Variants in EXOC7 observed in about 807,000 individuals in gnomAD.
The protein encoded by EXOC7 is exocyst complex component 7.
In EXOC7, 51 loss-of-function variants were observed where a neutral mutation model predicts 87.6. The ratio of observed to expected loss-of-function variants is 0.58; its 90% CI spans 0.46 to 0.73. EXOC7 has a LOEUF of 0.73. Among genes scored for constraint, EXOC7 ranks in the 30% least tolerant of loss-of-function variants. EXOC7 has a pLI of 0.00. For synonymous variants in EXOC7, 327 were observed against 357.1 expected (o/e 0.92, Z 0.95); for missense variants, 744 against 888.4 (o/e 0.84, Z 2.07).
chr17:76,096,575 T>C (rs1471946483), intron 5 of EXOC7, among the ~76,000 whole-genome samples: 1 of 152,060 alleles, frequency 6.6e-6, no homozygotes, highest in Non-Finnish European at 1.5e-5. Flanking sequence ...TTTCTTCCTT[T>C]CTTTTTTTTG....
At chr17:76,095,848 C>T (rs1411337107) in intron 5 of EXOC7, among the ~76,000 whole-genome samples, 3 of 152,158 alleles carry the variant, frequency 2.0e-5, no homozygotes, top group South Asian at 2.1e-4. Flanking sequence ...CATTTTGGTA[C>T]CATTCATCAA....
At chr17:76,086,184 C>T (rs372099494) in intron 12 of EXOC7, 39 bp from the exon 13 acceptor site, 4 of 1,599,032 alleles carry the variant, frequency 2.5e-6, no homozygotes, top group Non-Finnish European at 3.4e-6. Flanking sequence ...GTGGCAGCAG[C>T]CAAGACCCTC....
chr17:76,095,576 C>G (rs2067710550), intron 5 of EXOC7, among the ~76,000 whole-genome samples: 1 of 152,160 alleles, frequency 6.6e-6, no homozygotes, highest in South Asian at 2.1e-4. Flanking sequence ...AAACACACAT[C>G]TTTAGCCATT....
chr17:76,082,804 C>T lies in EXOC7; in HGVS notation c.*844G>A. 1 of 706,654 alleles carries T rather than the reference C, an allele frequency of 1.4e-6. No individual in the cohort carries two copies. The highest frequency in any genetic ancestry group is 2.1e-6 in the Non-Finnish European group (1 of 467,986). 43.8% of individuals were successfully genotyped at this position (706,654 alleles called of 1,614,324 possible). On this transcript the variant is annotated 3_prime_UTR_variant, in exon 19 of 19. Coordinates refer to ENST00000589210, the MANE Select transcript of EXOC7 (RefSeq NM_001013839.4). ...GCGTGAAATAAACCCATCTCCAGTG[C>T]AAGTGTGCCTCAAGGGTCAGTCTTC...
Position 76,082,524 on chromosome 17 carries a change from C to T in EXOC7, c.*1124G>A, listed in dbSNP as rs755108612. The T allele has an allele frequency of 1.3e-5, 21 of 1,613,764 alleles. No homozygotes were observed. The highest frequency in any genetic ancestry group is 2.2e-5 in the East Asian group (1 of 44,892). The stretch of plus-strand genomic sequence containing the variant: ...GGCCTGAGACTGCTGACCGCATCTT[C>T]TTCCTCGTGTATGTGGTTGGGGTGC... On this transcript the variant is annotated 3_prime_UTR_variant, in exon 19 of 19. Coordinates refer to ENST00000589210, the MANE Select transcript of EXOC7 (RefSeq NM_001013839.4).
At chr17:76,085,627 C>T in intron 14 of EXOC7, 50 bp downstream of exon 14, 1 of 1,613,406 alleles carries the variant, frequency 6.2e-7, no homozygotes, top group Non-Finnish European at 8.5e-7. Flanking sequence ...CACAGCTGCA[C>T]AGCCGAGGGG....
At chr17:76,087,425 C>T (rs983576617) in intron 12 of EXOC7, 18 of 571,856 alleles carry the variant, frequency 3.1e-5, no homozygotes, top group Non-Finnish European at 4.4e-5. Context: ...GCTTCCAGGG[C>T]GAGGACGGTC....
intron 14 of EXOC7, 81 bp downstream of exon 14, chr17:76,085,596 G>A: frequency 6.2e-7 from 1 of 1,605,388 alleles, no homozygotes. Context: ...AAGAGAAGGA[G>A]CCCAGGGGGG....
chr17:76,084,024 T>A lies in EXOC7; in HGVS notation c.1934A>T (p.Tyr645Phe), dbSNP rs2067093959. The stretch of plus-strand genomic sequence containing the variant: ...GCCTCACTTCTGTAGAAAGGCCCCG[T>A]AGGTCTCCTTGACAATGGTCTTCTG... ...QAQKTIVKET[Y>F]GAFLQKFGSV... The change falls in exon 18 of 19, where the codon TAC becomes TTC. Residue 645 changes from tyrosine (Y) to phenylalanine (F), a missense_variant. Coordinates refer to ENST00000589210, the MANE Select transcript of EXOC7 (RefSeq NM_001013839.4). 6.3e-7 allele frequency: 1 copy of A among 1,597,380 alleles called. No homozygotes were observed. Among genetic ancestry groups the A allele is most frequent in the Non-Finnish European group, 8.5e-7 (1 of 1,173,252 alleles).
Position 76,082,573 on chromosome 17 carries a change from G to A in EXOC7, c.*1075C>T, listed in dbSNP as rs1334740282. The A allele has an allele frequency of 6.2e-7, 1 of 1,613,784 alleles. No homozygotes were observed. The highest frequency in any genetic ancestry group is 1.7e-5 in the Admixed American group (1 of 60,014). ...GCTGTGCACCCAATTCGTCTTTGCA[G>A]GAATCTGGATGTGGGCAGCGTGCAA... is the stretch of plus-strand genomic sequence containing the variant. On this transcript the variant is annotated 3_prime_UTR_variant, in exon 19 of 19. Coordinates refer to ENST00000589210, the MANE Select transcript of EXOC7 (RefSeq NM_001013839.4).
intron 12 of EXOC7, among the ~76,000 whole-genome samples, chr17:76,086,639 G>T (rs568441987): frequency 1.2e-4 from 19 of 152,188 alleles, no homozygotes; most frequent in Non-Finnish European, 2.1e-4. Flanking sequence ...GCGAGCCTAG[G>T]GGGTGTATCC....
At position 76,097,860 on chromosome 17, in the gene EXOC7, G is replaced by C. The variant is rs367850522; in HGVS notation, c.576C>G (p.Pro192=). The C allele has an allele frequency of 1.2e-6, 2 of 1,613,868 alleles. No homozygotes were observed. The highest frequency in any genetic ancestry group is 1.7e-6 in the Non-Finnish European group (2 of 1,180,004). The change falls in exon 5 of 19, where the codon CCC becomes CCG. Residue 192 remains proline, a synonymous_variant. Coordinates refer to ENST00000589210, the MANE Select transcript of EXOC7 (RefSeq NM_001013839.4). ...GAATGACATCCTGGAGCACGCTCTC[G>C]GGCAGGTGCTCCAGGGTCACGTCCT... ...AQEDVTLEHL[P]ESVLQDVIRI...
chr17:76,089,380 G>A, intron 7 of EXOC7, 60 bp from the exon 8 acceptor site: 2 of 1,595,638 alleles, frequency 1.3e-6, no homozygotes, highest in Non-Finnish European at 1.7e-6. Context: ...CCTGGCTGGG[G>A]GCGGCGTGGG....
At chr17:76,094,943 T>C (rs138025827) in intron 5 of EXOC7, among the ~76,000 whole-genome samples, 2 of 148,620 alleles carry the variant, frequency 1.3e-5, no homozygotes, top group Non-Finnish European at 3.0e-5. Context: ...CACCCTCTGA[T>C]AGAACTGATA....
Position 76,081,312 on chromosome 17 carries a change from C to T in EXOC7, c.*2336G>A, listed in dbSNP as rs757531566. 2.9e-5 allele frequency: 46 copies of T among 1,613,966 alleles called. No homozygotes were observed. Among genetic ancestry groups the T allele is most frequent in the African/African-American group, 9.3e-5 (7 of 74,916 alleles). On this transcript the variant is annotated 3_prime_UTR_variant, in exon 19 of 19. Transcript: ENST00000589210. ...TAGAGTTCCAGGCCCACGTGGTGAA[C>T]GAGATTGTGAGTGTCAAGAGGGAAT...
In EXOC7 at chr17:76,089,228, C is replaced by T. The variant is rs766866623; in HGVS notation, c.994G>A (p.Ala332Thr). ...KLAQSEYQLL[A>T]DIIPEHHQKK... ...TGGTGGTGCTCGGGGATGATGTCGG[C>T]CAGCAGCTGGTACTCGCTCTGCGCC... Residue 332 changes from alanine (A) to threonine (T), a missense_variant, in exon 8 of 19, where the codon GCC becomes ACC. This residue lies in a region of EXOC7 where 512 missense variants were observed against 573.0 expected (regional missense o/e 0.89). Transcript: ENST00000589210. 1.9e-6 allele frequency: 3 copies of T among 1,614,038 alleles called. No homozygotes were observed. The highest frequency in any genetic ancestry group is 2.2e-5 in the South Asian group (2 of 91,076).
Position 76,097,870 on chromosome 17 carries a change from T to C in EXOC7, c.566A>G (p.Glu189Gly), listed in dbSNP as rs747605595. The change falls in exon 5 of 19, where the codon GAG becomes GGG. Residue 189 changes from glutamate to glycine, a missense_variant. Glu to Gly is a moderately conservative substitution (Grantham distance 98). Around this residue, in one of 3 missense-constraint regions of EXOC7, gnomAD observed 512 missense variants for 573.0 expected, o/e 0.89. Transcript: ENST00000589210. ...CTGGAGCACGCTCTCGGGCAGGTGCTCCAGGGTCACGTCCTCCTGGGCCTC... is the reference window on the plus strand; with the variant it reads ...CTGGAGCACGCTCTCGGGCAGGTGCCCCAGGGTCACGTCCTCCTGGGCCTC... ...DLEAQEDVTL[E>G]HLPESVLQDV... 5.0e-6 allele frequency: 8 copies of C among 1,613,954 alleles called. No individual in the cohort carries two copies. Among genetic ancestry groups the C allele is most frequent in the Non-Finnish European group, 1.7e-6 (2 of 1,180,028 alleles).
chr17:76,083,645 G>T lies in EXOC7; in HGVS notation c.*3C>A. The T allele has an allele frequency of 1.2e-6, 2 of 1,613,656 alleles. No individual in the cohort carries two copies. The highest frequency in any genetic ancestry group is 2.2e-5 in the South Asian group (2 of 91,068). ...GTGGAACCAGGCAGGGCTAGCAGCA[G>T]GCTCAGGCAGAGGTGTCGAAAAGGC... On this transcript the variant is annotated 3_prime_UTR_variant, in exon 19 of 19. Transcript: ENST00000589210.
chr17:76,102,454 AC>A (rs979492675), intron 2 of EXOC7, among the ~76,000 whole-genome samples: 38 of 139,022 alleles, frequency 2.7e-4, no homozygotes, highest in Non-Finnish European at 5.4e-4. Context: ...ACACACACAC[AC>A]AATTAGCAAG....
Sources: allele counts gnomAD v4.1 joint callset (sites outside exome capture counted in the v4.1 genomes callset), GRCh38; gene constraint gnomAD v4.1.1; regional missense constraint gnomAD v4.1.1; transcripts MANE v1.5; gene names NCBI Gene and HGNC (gene_info 2026-07-23, HGNC 2026-07-21).